The following HUS1 variants were observed in gnomAD, a reference collection of about 807,000 sequenced individuals.
HUS1 encodes checkpoint protein HUS1.
In HUS1, 31 loss-of-function variants were observed where a neutral mutation model predicts 32.6. That is an observed-to-expected ratio of 0.95 (90% confidence interval 0.72 to 1.28). The LOEUF (loss-of-function observed/expected upper bound fraction) is 1.28. Among genes scored for constraint, HUS1 ranks in the 50% most tolerant of loss-of-function variants. The probability of loss-of-function intolerance (pLI) is 0.00; values close to 1 mark genes in which losing one functional copy is unlikely to be tolerated. For missense variants in HUS1, 340 were observed against 337.7 expected, an observed-to-expected ratio of 1.01 and a Z score of -0.05; for synonymous variants, 123 against 116.6, an observed-to-expected ratio of 1.06 and a Z score of -0.36.
intron 5 of HUS1, chr7:47,971,435 C>A (rs1426134442): frequency 8.8e-5 from 40 of 456,478 alleles, no homozygotes; most frequent in South Asian, 4.8e-4. Context: ...GGGACTGTCT[C>A]CACAGGTCAC....
intron 3 of HUS1, chr7:47,978,124 TAG>T (rs3176506): frequency 0.75 from 219,066 of 292,974 alleles, 82,482 homozygotes; most frequent in East Asian, 0.87. Context: ...TGAAAATGGA[TAG>T]AGAAACCATG....
chr7:47,967,515 G>A (rs1436989693), intron 7 of HUS1, among the ~76,000 whole-genome samples: 2 of 152,196 alleles, frequency 1.3e-5, no homozygotes, highest in Non-Finnish European at 2.9e-5. Flanking sequence ...GGCATCTCCA[G>A]GTGTGCTGGC....
In HUS1 at chr7:47,969,261, A is replaced by T; in HGVS notation, c.598T>A (p.Cys200Ser). 6.3e-7 allele frequency: 1 copy of T among 1,590,742 alleles called. No individual in the cohort carries two copies. The highest frequency in any genetic ancestry group is 1.1e-5 in the South Asian group (1 of 88,854). ...AGATCTTTAAAATGAGTTGTAACAC[A>T]TACTAATTCAGTTTCTATTTTCAAA... ...LNLKIETELV[C>S]VTTHFKDLGN... Residue 200 changes from cysteine to serine, a missense_variant, in exon 6 of 8, where the codon TGT (cysteine) becomes AGT (serine). Cys to Ser is a moderately radical substitution (Grantham distance 112). Transcript: ENST00000258774.
intron 3 of HUS1, among the ~76,000 whole-genome samples, chr7:47,977,321 C>T (rs1232420453): frequency 6.6e-6 from 1 of 152,144 alleles, no homozygotes; most frequent in Non-Finnish European, 1.5e-5. Context: ...AAGAAGCAAG[C>T]CTGCTATGTT....
Position 47,976,778 on chromosome 7 carries a change from A to C in HUS1, c.417T>G (p.Pro139=), listed in dbSNP as rs1562590659. The C allele has an allele frequency of 6.2e-7, 1 of 1,613,864 alleles. No homozygotes were observed. The highest frequency in any genetic ancestry group is 8.5e-7 in the Non-Finnish European group (1 of 1,179,798). ...CTTGTAAGTCCTTCCACAATTTCCTAGGAATCACCTTTATGGGGATGTCAT... is the reference window on the plus strand; with the variant it reads ...CTTGTAAGTCCTTCCACAATTTCCTCGGAATCACCTTTATGGGGATGTCAT... ...VTHDIPIKVI[P]RKLWKDLQEP... Residue 139 remains proline (P), a synonymous_variant, in exon 4 of 8, where the codon CCT becomes CCG. Transcript: ENST00000258774.
chr7:47,974,062 T>A (rs1296300849), intron 5 of HUS1, among the ~76,000 whole-genome samples: 1 of 152,234 alleles, frequency 6.6e-6, no homozygotes, highest in Non-Finnish European at 1.5e-5. Context: ...AGCTTTGAGT[T>A]ACCCAGGTCC....
chr7:47,972,881 T>C (rs1439588503), intron 5 of HUS1, among the ~76,000 whole-genome samples: 3 of 152,134 alleles, frequency 2.0e-5, no homozygotes, highest in South Asian at 4.1e-4. Context: ...TACAATATAG[T>C]ATGGCAATGA....
Position 47,979,455 on chromosome 7 carries a change from C to T in HUS1, c.52+13G>A, listed in dbSNP as rs1335167638. 2.5e-6 allele frequency: 4 copies of T among 1,613,492 alleles called. No homozygotes were observed. The highest frequency in any genetic ancestry group is 3.4e-6 in the Non-Finnish European group (4 of 1,179,896). ...CCGTTCCTCCCTCGCTCCTCTCCGG[C>T]CTCCCTGCTCACGTGTGAAGTGGTT... On this transcript the variant is annotated intron_variant, in intron 1 of 7. Transcript: ENST00000258774.
At chr7:47,974,689 G>C (rs1170965167) in intron 5 of HUS1, among the ~76,000 whole-genome samples, 1 of 152,070 alleles carries the variant, frequency 6.6e-6, no homozygotes, top group African/African-American at 2.4e-5. Flanking sequence ...GCAGGGGGAG[G>C]AGGGAGGGGC....
At chr7:47,971,076 G>C (rs1021030036) in intron 5 of HUS1, among the ~76,000 whole-genome samples, 2 of 152,204 alleles carry the variant, frequency 1.3e-5, no homozygotes, top group African/African-American at 2.4e-5. Flanking sequence ...TTTATGCTCT[G>C]ATGATGTAGA....
chr7:47,969,411 G>A, intron 5 of HUS1, 93 bp from the exon 6 acceptor site: 1 of 693,762 alleles, frequency 1.4e-6, no homozygotes, highest in South Asian at 1.6e-5. Flanking sequence ...AGATGACAAA[G>A]TACCCTACAA....
intron 3 of HUS1, among the ~76,000 whole-genome samples, chr7:47,977,509 A>G (rs1213048618): frequency 6.6e-6 from 1 of 152,238 alleles, no homozygotes; most frequent in African/African-American, 2.4e-5. Context: ...TTCCTTAAGC[A>G]ATAGAAAAAA....
At position 47,964,022 on chromosome 7, in the gene HUS1, C is replaced by T. The variant is rs1236053476; in HGVS notation, c.*1334G>A. ...GCCAAAATATAAATTTTCATGTTAG[C>T]TAGTCTTCCAATTTCATTTTATCCT... is the stretch of plus-strand genomic sequence containing the variant. On this transcript the variant is annotated 3_prime_UTR_variant, in exon 8 of 8. Coordinates refer to ENST00000258774, the MANE Select transcript of HUS1 (RefSeq NM_004507.4). 6.6e-6 allele frequency: 1 copy of T among 152,200 alleles called. No homozygotes were observed. The highest frequency in any genetic ancestry group is 2.4e-5 in the African/African-American group (1 of 41,436). The allele number at this position is 152,200 out of a possible 1,614,324, so 9.4% of individuals were successfully genotyped here. A position where few individuals can be genotyped will look rare whatever the true frequency, so the allele number is the denominator to read the frequency against.
In HUS1 at chr7:47,978,665, G is replaced by C. The variant is rs777640252; in HGVS notation, c.180+24C>G. ...CCAGTGACAATCTGCAGAGTGTGCAGGCCTCTCAGAAGCTTTTGCTCACCT... is the reference window on the plus strand; with the variant it reads ...CCAGTGACAATCTGCAGAGTGTGCACGCCTCTCAGAAGCTTTTGCTCACCT... On this transcript the variant is annotated intron_variant, in intron 2 of 7. Transcript: ENST00000258774. 1.2e-5 allele frequency: 19 copies of C among 1,613,806 alleles called. No individual in the cohort carries two copies. In the Admixed American group the frequency reaches 3.2e-4, roughly 27 times the overall value.
chr7:47,976,596 A>C lies in HUS1; in HGVS notation c.465+134T>G, dbSNP rs146271701. On this transcript the variant is annotated intron_variant, in intron 4 of 7. Coordinates refer to ENST00000258774, the MANE Select transcript of HUS1 (RefSeq NM_004507.4). ...TTAAGATGCTTTATGTAAATAACAA[A>C]AGGCAAATAATCTAATGTTTTCGTT... 311 of 683,854 alleles carry C rather than the reference A, an allele frequency of 4.5e-4. No individual in the cohort carries two copies. The East Asian group carries it at 7.9e-3, about 17-fold the overall frequency. The allele number at this position is 683,854 out of a possible 1,614,324, so 42.4% of individuals were successfully genotyped here. A position where few individuals can be genotyped will look rare whatever the true frequency, so the allele number is the denominator to read the frequency against.
rs545340862 is a variant in HUS1 at position 47,965,533 on chromosome 7, T to C, written c.761-95A>G. 66 of 776,480 alleles carry C rather than the reference T, an allele frequency of 8.5e-5. No individual in the cohort carries two copies. The Middle Eastern group carries it at 9.1e-4, about 11-fold the overall frequency. The allele number at this position is 776,480 out of a possible 1,614,324, so 48.1% of individuals were successfully genotyped here. ...AACAGCCTTCCCAGCCTGCACCTCC[T>C]GTTTTAGGCATCTGTCTTCCCTGAG... On this transcript the variant is annotated intron_variant, in intron 7 of 7. Coordinates refer to ENST00000258774, the MANE Select transcript of HUS1 (RefSeq NM_004507.4).
In HUS1 at chr7:47,965,256, G is replaced by C. The variant is rs778367512; in HGVS notation, c.*100C>G. On this transcript the variant is annotated 3_prime_UTR_variant, in exon 8 of 8. Transcript: ENST00000258774. ...GGACAAATAAGTACAGTGTGTCGATGTGCGGTGCTGTGAGGGCACAGACCA... is the reference window on the plus strand; with the variant it reads ...GGACAAATAAGTACAGTGTGTCGATCTGCGGTGCTGTGAGGGCACAGACCA... The C allele has an allele frequency of 3.9e-6, 3 of 760,176 alleles. No homozygotes were observed. Among genetic ancestry groups the C allele is most frequent in the African/African-American group, 1.7e-5 (1 of 58,388 alleles). 47.1% of individuals were successfully genotyped at this position (760,176 alleles called of 1,614,324 possible).
chr7:47,977,625 C>T (rs989212062), intron 3 of HUS1, among the ~76,000 whole-genome samples: 12 of 152,184 alleles, frequency 7.9e-5, no homozygotes, highest in Non-Finnish European at 1.3e-4. Flanking sequence ...GGCGCCGTGG[C>T]TCATGCCTAC....
Position 47,965,275 on chromosome 7 carries a change from C to A in HUS1, c.*81G>T. 1.1e-6 allele frequency: 1 copy of A among 884,898 alleles called. No individual in the cohort carries two copies. Among genetic ancestry groups the A allele is most frequent in the Non-Finnish European group, 1.9e-6 (1 of 519,786 alleles). 54.8% of individuals were successfully genotyped at this position (884,898 alleles called of 1,614,324 possible). On this transcript the variant is annotated 3_prime_UTR_variant, in exon 8 of 8. Coordinates refer to ENST00000258774, the MANE Select transcript of HUS1 (RefSeq NM_004507.4). ...GTCGATGTGCGGTGCTGTGAGGGCA[C>A]AGACCAGTGATCAGAACACAACACC...
Sources: gnomAD v4.1 joint callset for allele counts (sites outside exome capture counted in the v4.1 genomes callset) on GRCh38, gnomAD v4.1.1 for gene constraint, MANE v1.5 for transcripts, NCBI Gene and HGNC (gene_info 2026-07-23, HGNC 2026-07-21) for gene names.